Variants in BRINP3 observed in about 807,000 individuals in gnomAD.
BRINP3 encodes BMP/retinoic acid inducible neural specific 3.
In BRINP3, 19 loss-of-function variants were observed where a neutral mutation model predicts 71.0. The observed-to-expected ratio is 0.27, with a 90% CI of 0.19 to 0.39. The LOEUF is 0.39. Among genes scored for constraint, BRINP3 ranks in the 10% least tolerant of loss-of-function variants. The pLI is 1.00. For missense variants in BRINP3, 959 were observed against 940.8 expected (o/e 1.02, Z -0.25); for synonymous variants, 380 against 337.7 (o/e 1.13, Z -1.37).
chr1:190,111,632 C>T (rs1557976341), intron 7 of BRINP3, among the ~76,000 whole-genome samples: 1 of 152,134 alleles, frequency 6.6e-6, no homozygotes, highest in Non-Finnish European at 1.5e-5. Context: ...TTGCTTCTTA[C>T]TCCTTTAGTC....
intron 2 of BRINP3, among the ~76,000 whole-genome samples, chr1:190,388,768 T>C (rs1365338887): frequency 1.3e-5 from 2 of 151,770 alleles, no homozygotes; most frequent in Non-Finnish European, 2.9e-5. Flanking sequence ...CATGACTGAG[T>C]GGTTAATTGT....
chr1:190,304,628 G>T (rs1664967995), intron 2 of BRINP3, among the ~76,000 whole-genome samples: 1 of 151,720 alleles, frequency 6.6e-6, no homozygotes, highest in Non-Finnish European at 1.5e-5. Context: ...ACACAAAATG[G>T]ATCAAAGATT....
chr1:190,183,057 T>C (rs1653168966), intron 6 of BRINP3, among the ~76,000 whole-genome samples: 1 of 152,126 alleles, frequency 6.6e-6, no homozygotes, highest in Non-Finnish European at 1.5e-5. Context: ...AAGTACACTG[T>C]GAGAACTGTT....
intron 1 of BRINP3, among the ~76,000 whole-genome samples, chr1:190,470,869 A>C (rs565724352): frequency 1.7e-4 from 25 of 151,330 alleles, no homozygotes; most frequent in African/African-American, 6.0e-4. Flanking sequence ...GTAAATCATA[A>C]TTGAGTTATT....
chr1:190,451,870 G>A (rs1025152721), intron 2 of BRINP3, among the ~76,000 whole-genome samples: 2 of 152,080 alleles, frequency 1.3e-5, no homozygotes, highest in Non-Finnish European at 2.9e-5. Flanking sequence ...CTGGAGAAGA[G>A]GATGAAATGA....
chr1:190,207,737 T>C (rs1408198562), intron 6 of BRINP3, among the ~76,000 whole-genome samples: 2 of 152,174 alleles, frequency 1.3e-5, no homozygotes, highest in Non-Finnish European at 2.9e-5. Flanking sequence ...TACAAATGCA[T>C]ATAAAATATT....
At chr1:190,138,197 G>T (rs1315673159) in intron 7 of BRINP3, among the ~76,000 whole-genome samples, 1 of 151,986 alleles carries the variant, frequency 6.6e-6, no homozygotes, top group East Asian at 1.9e-4. Flanking sequence ...CAGGTGATCT[G>T]CCCACCTTGG....
intron 2 of BRINP3, among the ~76,000 whole-genome samples, chr1:190,432,558 A>G (rs995142934): frequency 6.6e-6 from 1 of 152,222 alleles, no homozygotes; most frequent in African/African-American, 2.4e-5. Flanking sequence ...ATTTCAGCAT[A>G]AAAGAACATG....
intron 7 of BRINP3, among the ~76,000 whole-genome samples, chr1:190,103,091 G>A (rs1288542128): frequency 6.6e-6 from 1 of 152,104 alleles, no homozygotes; most frequent in African/African-American, 2.4e-5. Flanking sequence ...GACTAGAGTA[G>A]GAGTGTGAAT....
At chr1:190,355,235 A>G (rs2102072404) in intron 2 of BRINP3, among the ~76,000 whole-genome samples, 1 of 152,036 alleles carries the variant, frequency 6.6e-6, no homozygotes, top group Middle Eastern at 3.4e-3. Flanking sequence ...ATTACAGGGT[A>G]GCATTCAAAT....
intron 7 of BRINP3, among the ~76,000 whole-genome samples, chr1:190,129,191 A>T (rs914367720): frequency 6.6e-6 from 1 of 151,856 alleles, no homozygotes; most frequent in Non-Finnish European, 1.5e-5. Flanking sequence ...AAGATTAGGG[A>T]CATCAGAGTG....
intron 7 of BRINP3, among the ~76,000 whole-genome samples, chr1:190,107,848 T>G (rs1411111305): frequency 6.7e-6 from 1 of 149,352 alleles, no homozygotes; most frequent in Non-Finnish European, 1.5e-5. Flanking sequence ...GAAAATCAAA[T>G]AATTATGGCA....
At chr1:190,120,850 G>T (rs1431072896) in intron 7 of BRINP3, among the ~76,000 whole-genome samples, 1 of 151,934 alleles carries the variant, frequency 6.6e-6, no homozygotes, top group Non-Finnish European at 1.5e-5. Context: ...CTGCTTGTTT[G>T]TAAACTAAAG....
At chr1:190,434,298 C>G (rs1369915439) in intron 2 of BRINP3, among the ~76,000 whole-genome samples, 2 of 151,718 alleles carry the variant, frequency 1.3e-5, no homozygotes, top group African/African-American at 4.8e-5. Flanking sequence ...TTAATAGGCA[C>G]AAGGTTTCAC....
intron 2 of BRINP3, among the ~76,000 whole-genome samples, chr1:190,363,675 G>A (rs1669299557): frequency 6.6e-6 from 1 of 152,140 alleles, no homozygotes; most frequent in African/African-American, 2.4e-5. Context: ...TATTGATCAT[G>A]TAAGAGGCTA....
At chr1:190,220,478 C>T (rs1558077243) in intron 6 of BRINP3, among the ~76,000 whole-genome samples, 1 of 151,856 alleles carries the variant, frequency 6.6e-6, no homozygotes. Context: ...CACCATGGCC[C>T]GTGTATACCT....
At chr1:190,379,830 T>C (rs1239006767) in intron 2 of BRINP3, among the ~76,000 whole-genome samples, 1 of 151,620 alleles carries the variant, frequency 6.6e-6, no homozygotes, top group African/African-American at 2.4e-5. Context: ...AAACCCCATC[T>C]CTACTAAAGA....
At chr1:190,103,264 G>A (rs906909021) in intron 7 of BRINP3, among the ~76,000 whole-genome samples, 5 of 152,068 alleles carry the variant, frequency 3.3e-5, no homozygotes, top group Non-Finnish European at 7.4e-5. Context: ...GTGTTAAACT[G>A]TGATTTCACT....
At chr1:190,378,410 CT>C (rs1482168449) in intron 2 of BRINP3, among the ~76,000 whole-genome samples, 5 of 152,162 alleles carry the variant, frequency 3.3e-5, no homozygotes, top group African/African-American at 1.2e-4. Flanking sequence ...GTAGGCAATT[CT>C]CCATGGGGTT....
Sources: allele counts gnomAD v4.1 joint callset (sites outside exome capture counted in the v4.1 genomes callset), GRCh38; gene constraint gnomAD v4.1.1; transcripts MANE v1.5; gene names NCBI Gene and HGNC (gene_info 2026-07-23, HGNC 2026-07-21).